LEF1: variants seen among roughly 807,000 people sequenced by gnomAD.
LEF1 encodes the protein lymphoid enhancer binding factor 1.
LEF1 carries 14 observed loss-of-function variants against 51.2 expected under a neutral mutation model. The observed-to-expected ratio is 0.27, with a 90% CI of 0.18 to 0.43. LEF1 has a LOEUF of 0.43. LEF1 is among the 20% of genes least tolerant of loss of function. LEF1 has a pLI of 1.00. For synonymous variants in LEF1, 185 were observed against 183.2 expected, an observed-to-expected ratio of 1.01 and a Z score of -0.08; for missense variants, 386 against 512.0, an observed-to-expected ratio of 0.75 and a Z score of 2.37.
intron 11 of LEF1, among the ~76,000 whole-genome samples, chr4:108,060,844 C>T (rs1644259475): frequency 1.3e-5 from 2 of 152,068 alleles, no homozygotes; most frequent in South Asian, 4.1e-4. Context: ...CCAGGTCACA[C>T]AAGTCTCCAT....
At chr4:108,050,281 A>C (rs1284505797) in intron 11 of LEF1, among the ~76,000 whole-genome samples, 1 of 152,228 alleles carries the variant, frequency 6.6e-6, no homozygotes, top group Non-Finnish European at 1.5e-5. Flanking sequence ...ACTTGTACTC[A>C]GCTTAAGAGA....
chr4:108,137,187 G>T (rs938617158), intron 3 of LEF1, among the ~76,000 whole-genome samples: 15 of 152,078 alleles, frequency 9.9e-5, no homozygotes, highest in Non-Finnish European at 2.1e-4. Context: ...AATCATCAAA[G>T]CTAGCAATTT....
chr4:108,126,253 A>G (rs1742519074), intron 3 of LEF1, among the ~76,000 whole-genome samples: 1 of 152,158 alleles, frequency 6.6e-6, no homozygotes, highest in African/African-American at 2.4e-5. Flanking sequence ...TTTAGAAGTC[A>G]TTTTAGTCAG....
At chr4:108,121,007 T>G (rs1436919316) in intron 3 of LEF1, among the ~76,000 whole-genome samples, 1 of 152,222 alleles carries the variant, frequency 6.6e-6, no homozygotes, top group Non-Finnish European at 1.5e-5. Flanking sequence ...AAGTAAAAAC[T>G]CAATCATACT....
At chr4:108,095,395 G>T (rs1240819529) in intron 3 of LEF1, among the ~76,000 whole-genome samples, 1 of 152,166 alleles carries the variant, frequency 6.6e-6, no homozygotes, top group Non-Finnish European at 1.5e-5. Context: ...GAGTCTTTTT[G>T]AACACAGAGC....
chr4:108,075,508 C>A (rs536062668), intron 8 of LEF1: 2 of 152,144 alleles, frequency 1.3e-5, no homozygotes, highest in African/African-American at 4.8e-5. Context: ...AACACAGGGT[C>A]ACAAATTAAG....
At chr4:108,102,322 C>T (rs368450200) in intron 3 of LEF1, among the ~76,000 whole-genome samples, 16 of 152,234 alleles carry the variant, frequency 1.1e-4, no homozygotes, top group Non-Finnish European at 1.9e-4. Context: ...TTTCTTCCAG[C>T]GTAGGGACCT....
chr4:108,056,789 G>A (rs1377808698), intron 11 of LEF1, among the ~76,000 whole-genome samples: 1 of 151,960 alleles, frequency 6.6e-6, no homozygotes, highest in Non-Finnish European at 1.5e-5. Context: ...CACCTCCTAT[G>A]CAGCGATCTG....
At chr4:108,092,829 T>A (rs895763316) in intron 3 of LEF1, among the ~76,000 whole-genome samples, 2 of 143,696 alleles carry the variant, frequency 1.4e-5, no homozygotes, top group Non-Finnish European at 3.0e-5. Context: ...AACACACAGA[T>A]AAGGTCTCTA....
intron 3 of LEF1, among the ~76,000 whole-genome samples, chr4:108,107,796 C>T (rs2110307226): frequency 1.3e-5 from 2 of 152,208 alleles, no homozygotes; most frequent in Admixed American, 1.3e-4. Context: ...CCCCAACATG[C>T]TGCTTCTCAC....
chr4:108,108,191 C>T (rs1461710413), intron 3 of LEF1, among the ~76,000 whole-genome samples: 1 of 152,164 alleles, frequency 6.6e-6, no homozygotes, highest in African/African-American at 2.4e-5. Context: ...CAGTGTGCTT[C>T]GACTTTGAGG....
chr4:108,078,093 GCAT>G, intron 8 of LEF1, 124 bp downstream of exon 8: 1 of 853,762 alleles, frequency 1.2e-6, no homozygotes, highest in Non-Finnish European at 1.9e-6. Context: ...TCTTTAAAAT[GCAT>G]CATATCATAT....
At chr4:108,154,297 T>A (rs908625718) in intron 3 of LEF1, among the ~76,000 whole-genome samples, 7 of 152,008 alleles carry the variant, frequency 4.6e-5, no homozygotes, top group Non-Finnish European at 1.5e-5. Flanking sequence ...CCGTATTAAA[T>A]TGGGGCAGGT....
At chr4:108,158,971 T>C (rs1298382467) in intron 3 of LEF1, among the ~76,000 whole-genome samples, 2 of 151,968 alleles carry the variant, frequency 1.3e-5, no homozygotes, top group Non-Finnish European at 2.9e-5. Context: ...TGGTCTTTTT[T>C]TTAGTGTGTG....
chr4:108,153,608 G>A (rs1474280171), intron 3 of LEF1, among the ~76,000 whole-genome samples: 1 of 152,122 alleles, frequency 6.6e-6, no homozygotes, highest in Non-Finnish European at 1.5e-5. Flanking sequence ...AGATTAAATT[G>A]CAGTGCAGGT....
intron 3 of LEF1, among the ~76,000 whole-genome samples, chr4:108,156,587 T>C (rs1429683712): frequency 6.6e-6 from 1 of 152,196 alleles, no homozygotes; most frequent in East Asian, 1.9e-4. Flanking sequence ...AGGCTGACTG[T>C]AACTAACATA....
chr4:108,117,266 A>C (rs1041174574), intron 3 of LEF1, among the ~76,000 whole-genome samples: 6 of 152,116 alleles, frequency 3.9e-5, no homozygotes, highest in Admixed American at 3.3e-4. Flanking sequence ...AAACCCTGAT[A>C]TTATTTTATA....
chr4:108,127,478 A>G (rs1214243271), intron 3 of LEF1, among the ~76,000 whole-genome samples: 1 of 152,212 alleles, frequency 6.6e-6, no homozygotes, highest in African/African-American at 2.4e-5. Flanking sequence ...GCAAGAAAAA[A>G]GCAAACCCAG....
chr4:108,116,379 G>C (rs1293539349), intron 3 of LEF1, among the ~76,000 whole-genome samples: 1 of 152,174 alleles, frequency 6.6e-6, no homozygotes, highest in Non-Finnish European at 1.5e-5. Flanking sequence ...AAAGTTAGCT[G>C]GGCGTGGTGG....
Sources: gnomAD v4.1 joint callset for allele counts (sites outside exome capture counted in the v4.1 genomes callset) on GRCh38, gnomAD v4.1.1 for gene constraint, MANE v1.5 for transcripts, NCBI Gene and HGNC (gene_info 2026-07-23, HGNC 2026-07-21) for gene names.